Variants in JSRP1 observed in about 807,000 individuals in gnomAD.
The protein encoded by JSRP1 is junctional sarcoplasmic reticulum protein 1, also known as 2310032K21Rik.
In JSRP1, 29 loss-of-function variants were observed where a neutral mutation model predicts 21.4. The observed-to-expected ratio is 1.36, with a 90% CI of 1.01 to 1.85. The LOEUF is 1.85. Ranked by LOEUF, JSRP1 falls within the 40% of genes most tolerant of loss-of-function variation. The probability of loss-of-function intolerance (pLI) is 0.00; values close to 1 mark genes in which losing one functional copy is unlikely to be tolerated. For synonymous variants in JSRP1, 221 were observed against 206.1 expected (o/e 1.07, Z -0.62); for missense variants, 531 against 461.5 (o/e 1.15, Z -1.38).
At chr19:2,254,130 A>T (rs2025112160) in intron 4 of JSRP1, 57 bp downstream of exon 4, 1 of 1,329,082 alleles carries the variant, frequency 7.5e-7, no homozygotes, top group Non-Finnish European at 1.0e-6. Flanking sequence ...CCGGCACCTG[A>T]GCCTCACACC....
intron 2 of JSRP1, among the ~76,000 whole-genome samples, chr19:2,254,799 G>A (rs1193936127): frequency 1.3e-5 from 2 of 152,030 alleles, no homozygotes; most frequent in African/African-American, 2.4e-5. Flanking sequence ...GGCTGAGGCA[G>A]GAGGATCACT....
chr19:2,255,034 G>A (rs1412858184), intron 2 of JSRP1, among the ~76,000 whole-genome samples, 172 bp downstream of exon 2: 1 of 152,110 alleles, frequency 6.6e-6, no homozygotes, highest in Non-Finnish European at 1.5e-5. Flanking sequence ...CTTCCTTGGG[G>A]GCTCCTTACA....
Position 2,254,467 on chromosome 19 carries a change from G to T in JSRP1, c.125C>A (p.Ala42Asp). ...CACGTGGGGCACGCTGCCGGAGTCG[G>T]CCAGCCTGGGTGTCGCTGTGGGAAC... The part of the protein sequence containing the change: ...EDRASATPRL[A>D]DSGSVPHDSQ... The change falls in exon 3 of 7, where the codon GCC (alanine) becomes GAC (aspartate). Residue 42 changes from alanine (A) to aspartate (D), a missense_variant. Transcript: ENST00000300961. 1 of 1,612,824 alleles carries T rather than the reference G, an allele frequency of 6.2e-7. No homozygotes were observed. The highest frequency in any genetic ancestry group is 8.5e-7 in the Non-Finnish European group (1 of 1,179,958).
rs756632889 is a variant in JSRP1, at chr19:2,252,386, G to C, written c.939C>G (p.Asp313Glu). ...KQAWVSPRRP[D>E]EEQRPGSRQK... ...GGCGACTCCCAGGCCGCTGCTCCTCGTCGGGACGCCTCGGGGACACCCAGG... is the reference window on the plus strand; with the variant it reads ...GGCGACTCCCAGGCCGCTGCTCCTCCTCGGGACGCCTCGGGGACACCCAGG... Residue 313 changes from aspartate (D) to glutamate (E), a missense_variant, in exon 7 of 7, where the codon GAC (aspartate) becomes GAG (glutamate). Asp to Glu is a conservative substitution (Grantham distance 45). Coordinates refer to ENST00000300961, the MANE Select transcript of JSRP1 (RefSeq NM_144616.4). 6.3e-7 allele frequency: 1 copy of C among 1,590,680 alleles called. No individual in the cohort carries two copies. Among genetic ancestry groups the C allele is most frequent in the South Asian group, 1.1e-5 (1 of 89,332 alleles).
rs1178346294 is a variant in JSRP1 at position 2,252,438 on chromosome 19, C to G, written c.887G>C (p.Arg296Thr). ...CTGCTTCTTCCTGGGCTCGGCGTCC[C>G]TGGAGTCCCGTGCCCACGGCCGGTG... ...GGHRPWARDSRDAEPRKKQAW... is the reference protein window; with the variant it reads ...GGHRPWARDSTDAEPRKKQAW... The change falls in exon 7 of 7, where the codon AGG becomes ACG. Residue 296 changes from arginine (R) to threonine (T), a missense_variant. By Grantham distance (71) the Arg-to-Thr change is moderately conservative (BLOSUM62 -1). Transcript: ENST00000300961. 6.2e-7 allele frequency: 1 copy of G among 1,610,720 alleles called. No individual in the cohort carries two copies.
At position 2,253,780 on chromosome 19, in the gene JSRP1, GA is replaced by G; in HGVS notation, c.275del (p.Val92AlafsTer22). On this transcript the variant is annotated frameshift_variant, in exon 5 of 7. Coordinates refer to ENST00000300961, the MANE Select transcript of JSRP1 (RefSeq NM_144616.4). LOFTEE classifies it high-confidence loss of function. Reference protein sequence around the residue: ...RLKAGASPRSVPARKKAQTAP... With the variant: ...RLKAGASPRSXPARKKAQTAP... ...CGGTCTGCGCCTTCTTGCGCGCGGGGACGCTCCGAGGGCCTGCGGGGGCAAG... is the reference window on the plus strand; with the variant it reads ...CGGTCTGCGCCTTCTTGCGCGCGGGGCGCTCCGAGGGCCTGCGGGGGCAAG... 1 of 1,417,402 alleles carries G rather than the reference GA, an allele frequency of 7.1e-7. No individual in the cohort carries two copies. The highest frequency in any genetic ancestry group is 9.1e-7 in the Non-Finnish European group (1 of 1,098,092). 87.8% of individuals were successfully genotyped at this position (1,417,402 alleles called of 1,614,324 possible). A position where few individuals can be genotyped will look rare whatever the true frequency, so the allele number is the denominator to read the frequency against.
At chr19:2,253,390 T>C (rs1441596422) in intron 5 of JSRP1, among the ~76,000 whole-genome samples, 1 of 152,110 alleles carries the variant, frequency 6.6e-6, no homozygotes, top group African/African-American at 2.4e-5. Flanking sequence ...AGCCAGAACC[T>C]ACTCGCGGCG....
At position 2,252,616 on chromosome 19, in the gene JSRP1, C is replaced by A. The variant is rs1473706748; in HGVS notation, c.709G>T (p.Glu237Ter). Residue 237 changes from glutamate to a stop codon, truncating the protein, a stop_gained, in exon 7 of 7, where the codon GAG becomes TAG. Transcript: ENST00000300961. LOFTEE classifies it low-confidence loss of function (END_TRUNC). ...GGCTTCCCCTCTCTCCGAGGCCTCT[C>A]CTTGGGTCCCCGGTCTGCGAGGGTC... ...RVTLADRGPK[E>*]RPRREGKPRK... 1 of 1,612,682 alleles carries A rather than the reference C, an allele frequency of 6.2e-7. No homozygotes were observed. Among genetic ancestry groups the A allele is most frequent in the South Asian group, 1.1e-5 (1 of 91,084 alleles).
At chr19:2,254,391 G>C in intron 3 of JSRP1, 54 bp downstream of exon 3, 1 of 1,609,854 alleles carries the variant, frequency 6.2e-7, no homozygotes, top group Non-Finnish European at 8.5e-7. Flanking sequence ...TGGTCGGCTT[G>C]TCCCCAACTC....
At chr19:2,254,862 A>T (rs986851246) in intron 2 of JSRP1, among the ~76,000 whole-genome samples, 2 of 152,132 alleles carry the variant, frequency 1.3e-5, no homozygotes, top group African/African-American at 4.8e-5. Context: ...ACTGTACTCC[A>T]GCATGGAAGA....
intron 5 of JSRP1, 78 bp downstream of exon 5, chr19:2,253,542 G>T: frequency 7.5e-7 from 1 of 1,325,560 alleles, no homozygotes; most frequent in Admixed American, 3.6e-5. Context: ...CACCCTGGCG[G>T]CACAGCGCCT....
rs553353490 is a variant in JSRP1, at chr19:2,255,281, C to A, written c.34G>T (p.Asp12Tyr). ...SMTTRAWEEL[D>Y]GGLGSCQALE... ...GCCTGGCAGCTGCCCAGGCCGCCAT[C>A]CAGCTCCTCCCAGGCTCTGGTTGTC... The change falls in exon 2 of 7, where the codon GAT becomes TAT. Residue 12 changes from aspartate to tyrosine, a missense_variant. By Grantham distance (160) the Asp-to-Tyr change is radical (BLOSUM62 -3). Transcript: ENST00000300961. 1 of 1,611,278 alleles carries A rather than the reference C, an allele frequency of 6.2e-7. No individual in the cohort carries two copies. Among genetic ancestry groups the A allele is most frequent in the African/African-American group, 1.3e-5 (1 of 75,006 alleles).
intron 1 of JSRP1, among the ~76,000 whole-genome samples, chr19:2,255,641 A>G (rs2025136309): frequency 6.6e-6 from 1 of 152,200 alleles, no homozygotes; most frequent in Non-Finnish European, 1.5e-5. Context: ...GCAGGACAAC[A>G]CAGCAATGAG....
In JSRP1 at chr19:2,253,772, C is replaced by A. The variant is rs551728555; in HGVS notation, c.284G>T (p.Arg95Leu). ...AGASPRSVPA[R>L]KKAQTAPPLQ... ...GGGCGGCGCGGTCTGCGCCTTCTTG[C>A]GCGCGGGGACGCTCCGAGGGCCTGC... Residue 95 changes from arginine (R) to leucine (L), a missense_variant, in exon 5 of 7, where the codon CGC becomes CTC. Physicochemically the swap from Arg to Leu is moderately radical, Grantham distance 102. Coordinates refer to ENST00000300961, the MANE Select transcript of JSRP1 (RefSeq NM_144616.4). The A allele has an allele frequency of 2.1e-6, 3 of 1,424,054 alleles. No homozygotes were observed. The highest frequency in any genetic ancestry group is 2.9e-5 in the East Asian group (1 of 34,596). The allele number at this position is 1,424,054 out of a possible 1,614,324, so 88.2% of individuals were successfully genotyped here.
chr19:2,254,450 G>A lies in JSRP1; in HGVS notation c.142C>T (p.Pro48Ser), dbSNP rs760834673. The change falls in exon 3 of 7, where the codon CCC (proline) becomes TCC (serine). Residue 48 changes from proline (P) to serine (S), a missense_variant. Coordinates refer to ENST00000300961, the MANE Select transcript of JSRP1 (RefSeq NM_144616.4). ...TPRLADSGSV[P>S]HDSQVAEGPS... ...TGAGGGTCCCAGCTACTCACGTGGGGCACGCTGCCGGAGTCGGCCAGCCTG... is the reference window on the plus strand; with the variant it reads ...TGAGGGTCCCAGCTACTCACGTGGGACACGCTGCCGGAGTCGGCCAGCCTG... 1 of 1,612,864 alleles carries A rather than the reference G, an allele frequency of 6.2e-7. No individual in the cohort carries two copies. Among genetic ancestry groups the A allele is most frequent in the Non-Finnish European group, 8.5e-7 (1 of 1,179,966 alleles).
intron 4 of JSRP1, 101 bp downstream of exon 4, chr19:2,254,086 A>C (rs1233728238): frequency 1.1e-6 from 1 of 944,730 alleles, no homozygotes; most frequent in African/African-American, 1.7e-5. Flanking sequence ...CCACTCAACC[A>C]GGACACCACC....
intron 4 of JSRP1, 54 bp downstream of exon 4, chr19:2,254,133 C>T (rs753187404): frequency 1.5e-5 from 21 of 1,370,084 alleles, no homozygotes; most frequent in African/African-American, 7.3e-5. Context: ...GCACCTGAGC[C>T]TCACACCAGT....
intron 2 of JSRP1, among the ~76,000 whole-genome samples, 188 bp from the exon 3 acceptor site, chr19:2,254,670 T>C (rs541511432): frequency 1.5e-4 from 23 of 149,824 alleles, no homozygotes; most frequent in African/African-American, 5.2e-4. Context: ...GAGGATCACC[T>C]GAGCCCAGGA....
In JSRP1 at chr19:2,253,621, G is replaced by A. The variant is rs2025098893; in HGVS notation, c.435C>T (p.Arg145=). ...CACCTCTGGGGAGCCTGCGCTCACC[G>A]CGGCACAGCTGGAAAGCCGAGCCCA... ...ALLGSAFQLC[R]DAVPGEAALQ... is the part of the protein sequence containing the mutation. Residue 145 remains arginine, a splice_region_variant and synonymous_variant, in exon 5 of 7, where the codon CGC becomes CGT. Coordinates refer to ENST00000300961, the MANE Select transcript of JSRP1 (RefSeq NM_144616.4). The A allele has an allele frequency of 6.7e-7, 1 of 1,484,146 alleles. No homozygotes were observed. The highest frequency in any genetic ancestry group is 8.9e-7 in the Non-Finnish European group (1 of 1,124,564). The allele number at this position is 1,484,146 out of a possible 1,614,324, so 91.9% of individuals were successfully genotyped here.
Sources: allele counts gnomAD v4.1 joint callset (sites outside exome capture counted in the v4.1 genomes callset), GRCh38; gene constraint gnomAD v4.1.1; transcripts MANE v1.5; gene names NCBI Gene and HGNC (gene_info 2026-07-23, HGNC 2026-07-21).